Variants in FHIT observed in about 807,000 individuals in gnomAD.
FHIT encodes the protein fragile histidine triad diadenosine triphosphatase.
A neutral mutation model predicts 17.9 loss-of-function variants in FHIT; 19 were observed. The ratio of observed to expected loss-of-function variants is 1.06; its 90% confidence interval spans 0.74 to 1.56. The LOEUF (loss-of-function observed/expected upper bound fraction) is 1.56, where lower values mean the gene tolerates loss of function less well. FHIT is among the 40% of genes most tolerant of loss of function. The pLI is 0.00. For missense variants in FHIT, 248 were observed against 189.2 expected, an observed-to-expected ratio of 1.31 and a Z score of -1.82; for synonymous variants, 81 against 69.7, an observed-to-expected ratio of 1.16 and a Z score of -0.81.
chr3:59,764,706 C>A (rs916556215), intron 8 of FHIT, among the ~76,000 whole-genome samples: 1 of 146,972 alleles, frequency 6.8e-6, no homozygotes. Context: ...GACAGCAGAT[C>A]GTCACAGAGG....
intron 8 of FHIT, among the ~76,000 whole-genome samples, chr3:59,821,184 T>C (rs1019463975): frequency 2.0e-5 from 3 of 152,032 alleles, no homozygotes; most frequent in African/African-American, 7.2e-5. Context: ...AGAGGCAAGA[T>C]ATTTGAGGAA....
chr3:61,218,342 C>G (rs1471738426), intron 1 of FHIT, among the ~76,000 whole-genome samples: 1 of 151,970 alleles, frequency 6.6e-6, no homozygotes, highest in Non-Finnish European at 1.5e-5. Flanking sequence ...CTAAAAAAAG[C>G]CCAATAGGAA....
At chr3:60,451,915 G>T (rs1400113488) in intron 5 of FHIT, among the ~76,000 whole-genome samples, 3 of 152,046 alleles carry the variant, frequency 2.0e-5, no homozygotes, top group Non-Finnish European at 4.4e-5. Context: ...GCCCACATGG[G>T]ACCCTGAGGC....
At chr3:59,753,210 G>T (rs1701015209) in intron 8 of FHIT, among the ~76,000 whole-genome samples, 1 of 152,050 alleles carries the variant, frequency 6.6e-6, no homozygotes, top group African/African-American at 2.4e-5. Flanking sequence ...AGGGCCATGA[G>T]AACTGAGTAA....
chr3:60,741,083 G>A (rs2042230540), intron 4 of FHIT, among the ~76,000 whole-genome samples: 1 of 152,186 alleles, frequency 6.6e-6, no homozygotes, highest in South Asian at 2.1e-4. Context: ...GAAAAGACAA[G>A]TTGCTGGGTC....
chr3:59,801,795 A>G (rs1700004056), intron 8 of FHIT, among the ~76,000 whole-genome samples: 1 of 152,184 alleles, frequency 6.6e-6, no homozygotes, highest in Non-Finnish European at 1.5e-5. Flanking sequence ...TCACTCGGGT[A>G]TCTGGCCTCC....
chr3:59,747,669 T>C lies in FHIT; in HGVS notation c.*1916A>G, dbSNP rs1478954108. Among the ~76,000 whole-genome samples the C allele has an allele frequency of 1.3e-5, 2 of 152,126 alleles. No homozygotes were observed. The highest frequency in any genetic ancestry group is 2.4e-5 in the African/African-American group (1 of 41,436). ...ATTCTTCTTTGCAACCTGTTGGTTT[T>C]CAAGACAGACTGTCGGCAAGCAAAA... On this transcript the variant is annotated 3_prime_UTR_variant, in exon 10 of 10. Transcript: ENST00000492590.
At chr3:60,632,380 T>C (rs188636526) in intron 4 of FHIT, among the ~76,000 whole-genome samples, 1 of 152,298 alleles carries the variant, frequency 6.6e-6, no homozygotes, top group Admixed American at 6.5e-5. Flanking sequence ...CGAACAACTA[T>C]CTTAGCTCCA....
chr3:60,910,209 G>C (rs74424874), intron 3 of FHIT, among the ~76,000 whole-genome samples: 1 of 152,146 alleles, frequency 6.6e-6, no homozygotes, highest in Non-Finnish European at 1.5e-5. Context: ...TCTGCAGTTA[G>C]AGAGAAGGCT....
At chr3:60,257,915 G>A (rs1291403608) in intron 5 of FHIT, among the ~76,000 whole-genome samples, 1 of 152,034 alleles carries the variant, frequency 6.6e-6, no homozygotes, top group Non-Finnish European at 1.5e-5. Flanking sequence ...GGAGGAGAGA[G>A]AATATCCGGA....
chr3:60,239,347 G>A (rs941517820), intron 5 of FHIT, among the ~76,000 whole-genome samples: 1 of 152,072 alleles, frequency 6.6e-6, no homozygotes, highest in African/African-American at 2.4e-5. Flanking sequence ...GGAGGATTGG[G>A]TGAGCCCAGG....
chr3:60,094,335 T>C (rs1473672482), intron 5 of FHIT, among the ~76,000 whole-genome samples: 2 of 152,132 alleles, frequency 1.3e-5, no homozygotes, highest in African/African-American at 4.8e-5. Context: ...GAATATATTT[T>C]GGGATGACAG....
At chr3:60,431,128 T>A (rs1328360930) in intron 5 of FHIT, among the ~76,000 whole-genome samples, 1 of 151,666 alleles carries the variant, frequency 6.6e-6, no homozygotes, top group Non-Finnish European at 1.5e-5. Flanking sequence ...GAAGAATAGC[T>A]TGAACTCTGG....
intron 5 of FHIT, among the ~76,000 whole-genome samples, chr3:60,359,188 G>C (rs1470309690): frequency 6.6e-6 from 1 of 151,592 alleles, no homozygotes; most frequent in African/African-American, 2.4e-5. Context: ...TCACAGAACA[G>C]AGTAGACTGG....
At chr3:61,163,517 C>T (rs1019312551) in intron 2 of FHIT, among the ~76,000 whole-genome samples, 11 of 152,132 alleles carry the variant, frequency 7.2e-5, no homozygotes, top group African/African-American at 2.7e-4. Context: ...AGGAAAGTCT[C>T]TCTGACCTTC....
chr3:59,809,358 G>A (rs1337739186), intron 8 of FHIT, among the ~76,000 whole-genome samples: 9 of 152,160 alleles, frequency 5.9e-5, no homozygotes, highest in South Asian at 2.1e-4. Flanking sequence ...CAAAGATTGC[G>A]GAAAGGAAGG....
intron 8 of FHIT, among the ~76,000 whole-genome samples, chr3:59,916,548 T>A (rs1458696804): frequency 6.6e-6 from 1 of 152,230 alleles, no homozygotes; most frequent in Non-Finnish European, 1.5e-5. Context: ...AATATTTGTT[T>A]CTGTGAGAAA....
chr3:61,176,791 G>A (rs1233296315), intron 2 of FHIT, among the ~76,000 whole-genome samples: 1 of 152,210 alleles, frequency 6.6e-6, no homozygotes, highest in Non-Finnish European at 1.5e-5. Flanking sequence ...GGCCCTCAGA[G>A]TGCCAAGAGT....
chr3:60,786,735 T>G (rs1553727077), intron 4 of FHIT, among the ~76,000 whole-genome samples: 1 of 152,224 alleles, frequency 6.6e-6, no homozygotes, highest in Non-Finnish European at 1.5e-5. Flanking sequence ...TTTTTCATCT[T>G]TGTATTTCAC....
Sources: gnomAD v4.1 joint callset for allele counts (sites outside exome capture counted in the v4.1 genomes callset) on GRCh38, gnomAD v4.1.1 for gene constraint, MANE v1.5 for transcripts, NCBI Gene and HGNC (gene_info 2026-07-23, HGNC 2026-07-21) for gene names.